DNAJC24: variants seen among roughly 807,000 people sequenced by gnomAD.
DNAJC24 encodes DnaJ heat shock protein family (Hsp40) member C24.
In DNAJC24, 17 loss-of-function variants were observed where a neutral mutation model predicts 18.0. The observed-to-expected ratio is 0.94, with a 90% CI of 0.65 to 1.42. DNAJC24 has a LOEUF of 1.42. DNAJC24 is among the 40% of genes most tolerant of loss of function. DNAJC24 has a pLI of 0.00. For missense variants in DNAJC24, 158 were observed against 175.6 expected (o/e 0.90, Z 0.57); for synonymous variants, 55 against 57.7 (o/e 0.95, Z 0.21).
intron 2 of DNAJC24, among the ~76,000 whole-genome samples, chr11:31,389,731 A>G (rs968811438): frequency 3.3e-5 from 5 of 152,378 alleles, no homozygotes; most frequent in African/African-American, 9.6e-5. Flanking sequence ...CAGCACATGT[A>G]TCATTCTCCA....
intron 2 of DNAJC24, among the ~76,000 whole-genome samples, chr11:31,392,322 A>G (rs956723834): frequency 6.6e-6 from 1 of 152,160 alleles, no homozygotes; most frequent in African/African-American, 2.4e-5. Context: ...TGCTGTGACT[A>G]TTATGTGTTG....
chr11:31,385,782 C>T (rs868718152), intron 2 of DNAJC24, among the ~76,000 whole-genome samples: 7 of 152,060 alleles, frequency 4.6e-5, no homozygotes, highest in Middle Eastern at 3.2e-3. Flanking sequence ...TAGAAGCCTC[C>T]GGTGGTCATC....
intron 2 of DNAJC24, among the ~76,000 whole-genome samples, chr11:31,385,744 A>C (rs1952422981): frequency 6.6e-6 from 1 of 152,194 alleles, no homozygotes; most frequent in South Asian, 2.1e-4. Context: ...GCCCAATCCT[A>C]GAGAGGAAGC....
At chr11:31,400,272 C>G (rs1952587797) in intron 2 of DNAJC24, among the ~76,000 whole-genome samples, 1 of 151,984 alleles carries the variant, frequency 6.6e-6, no homozygotes, top group South Asian at 2.1e-4. Context: ...GGGTATATAC[C>G]CAGTAATGGG....
chr11:31,376,567 T>A (rs1412655707), intron 2 of DNAJC24, among the ~76,000 whole-genome samples: 1 of 152,334 alleles, frequency 6.6e-6, no homozygotes, highest in East Asian at 1.9e-4. Flanking sequence ...GTTACCCCTA[T>A]GTTTGTACTT....
Position 31,375,511 on chromosome 11 carries a change from T to A in DNAJC24, c.111+4652T>A, listed in dbSNP as rs900802487. ...GAGAGAGACTTGAACATGTTTACAC[T>A]GTATGGGAAGTGGCCACGGAAAAGC... On this transcript the variant is annotated intron_variant, in intron 2 of 4. Transcript: ENST00000465995. 3.0e-5 allele frequency among the ~76,000 whole-genome samples: 4 copies of A among 134,972 alleles called. No homozygotes were observed. The Admixed American group carries it at 3.1e-4, about 10-fold the overall frequency. 88.5% of individuals were successfully genotyped at this position (134,972 alleles called of 152,430 possible).
chr11:31,376,542 T>C (rs193242136), intron 2 of DNAJC24, among the ~76,000 whole-genome samples: 4 of 152,324 alleles, frequency 2.6e-5, no homozygotes, highest in East Asian at 3.9e-4. Context: ...TTTTATCTTC[T>C]GTAAGATAGG....
chr11:31,396,409 C>G, intron 2 of DNAJC24: 1 of 367,356 alleles, frequency 2.7e-6, no homozygotes, highest in Non-Finnish European at 5.3e-6. Context: ...GTTAGCCCCT[C>G]AATTATATGC....
At chr11:31,424,658 T>A (rs1485362800) in intron 3 of DNAJC24, among the ~76,000 whole-genome samples, 3 of 152,184 alleles carry the variant, frequency 2.0e-5, no homozygotes, top group African/African-American at 7.2e-5. Context: ...CTAGGCAAAA[T>A]CCTTATCTTT....
At chr11:31,391,818 A>G (rs942178922) in intron 2 of DNAJC24, among the ~76,000 whole-genome samples, 46 of 152,336 alleles carry the variant, frequency 3.0e-4, no homozygotes, top group African/African-American at 1.1e-3. Context: ...TTATGACCCC[A>G]CTATTCACAA....
chr11:31,379,391 C>G (rs1204086291), intron 2 of DNAJC24, among the ~76,000 whole-genome samples: 1 of 152,136 alleles, frequency 6.6e-6, no homozygotes, highest in African/African-American at 2.4e-5. Flanking sequence ...CATTCTGAAA[C>G]CATACTCCCT....
chr11:31,405,872 A>G (rs1952652613), intron 2 of DNAJC24, among the ~76,000 whole-genome samples: 1 of 152,218 alleles, frequency 6.6e-6, no homozygotes, highest in African/African-American at 2.4e-5. Context: ...GTCCCATCCC[A>G]TGACTAGCAA....
chr11:31,416,091 A>G (rs1384408466), intron 3 of DNAJC24: 1 of 152,178 alleles, frequency 6.6e-6, no homozygotes. Context: ...ACTTATTTAT[A>G]GTACTAATCA....
At position 31,404,951 on chromosome 11, in the gene DNAJC24, C is replaced by T. The variant is rs1564953652; in HGVS notation, c.112-9860C>T. Among the ~76,000 whole-genome samples, 4 of 151,676 alleles carry T rather than the reference C, an allele frequency of 2.6e-5. No individual in the cohort carries two copies. In the South Asian group the frequency reaches 8.3e-4, roughly 31 times the overall value. On this transcript the variant is annotated intron_variant, in intron 2 of 4. Coordinates refer to ENST00000465995, the MANE Select transcript of DNAJC24 (RefSeq NM_181706.5). Reference sequence around the variant, plus strand: ...TCTCTTTTTGCTGAGATTCTGATCTCTTGTTGTTATGACACTTATTCCCTT... The same window carrying T: ...TCTCTTTTTGCTGAGATTCTGATCTTTTGTTGTTATGACACTTATTCCCTT...
chr11:31,378,320 T>C (rs1293658994), intron 2 of DNAJC24, among the ~76,000 whole-genome samples: 1 of 152,144 alleles, frequency 6.6e-6, no homozygotes, highest in Non-Finnish European at 1.5e-5. Context: ...TATTAATATA[T>C]AGAATGCATG....
chr11:31,370,723 G>C lies in DNAJC24; in HGVS notation c.-26G>C. On this transcript the variant is annotated 5_prime_UTR_variant, in exon 2 of 5. Coordinates refer to ENST00000465995, the MANE Select transcript of DNAJC24 (RefSeq NM_181706.5). ...ATTAATATTTCTATTCAGCTAATCTGAGAAGGCCCACTTCTGGTTCCATGG... is the reference window on the plus strand; with the variant it reads ...ATTAATATTTCTATTCAGCTAATCTCAGAAGGCCCACTTCTGGTTCCATGG... The C allele has an allele frequency of 6.7e-7, 1 of 1,502,416 alleles. No homozygotes were observed. The allele number at this position is 1,502,416 out of a possible 1,614,324, so 93.1% of individuals were successfully genotyped here.
intron 2 of DNAJC24, among the ~76,000 whole-genome samples, chr11:31,390,517 C>T (rs1385816404): frequency 1.3e-5 from 2 of 151,424 alleles, no homozygotes; most frequent in Non-Finnish European, 2.9e-5. Flanking sequence ...ACCTTCCTAG[C>T]CATTATAGTG....
chr11:31,398,322 C>A (rs1402780823), intron 2 of DNAJC24, among the ~76,000 whole-genome samples: 1 of 151,788 alleles, frequency 6.6e-6, no homozygotes, highest in Admixed American at 6.6e-5. Flanking sequence ...GGATTGTTAC[C>A]ACCTCTCCAG....
intron 2 of DNAJC24, among the ~76,000 whole-genome samples, chr11:31,402,515 A>T (rs1012594217): frequency 2.3e-4 from 35 of 152,234 alleles, no homozygotes; most frequent in East Asian, 9.7e-4. Context: ...AAAGTTTTTT[A>T]AAAAAATTAT....
Sources: allele counts gnomAD v4.1 joint callset (sites outside exome capture counted in the v4.1 genomes callset), GRCh38; gene constraint gnomAD v4.1.1; transcripts MANE v1.5; gene names NCBI Gene and HGNC (gene_info 2026-07-23, HGNC 2026-07-21).